TBC1D4: variants seen among roughly 807,000 people sequenced by gnomAD.
TBC1D4 encodes the protein TBC (Tre-2, BUB2, CDC16) domain-containing protein.
A neutral mutation model predicts 142.5 loss-of-function variants in TBC1D4; 121 were observed. That is an observed-to-expected ratio of 0.85 (90% confidence interval 0.73 to 0.99). The LOEUF is 0.99. Ranked by LOEUF, TBC1D4 falls within the 50% of genes least tolerant of loss-of-function variation. The pLI is 0.00. For synonymous variants in TBC1D4, 630 were observed against 628.2 expected (o/e 1.00, Z -0.04); for missense variants, 1,475 against 1,606.6 (o/e 0.92, Z 1.40).
At chr13:75,293,503 A>G (rs1213353942) in intron 18 of TBC1D4, among the ~76,000 whole-genome samples, 1 of 152,256 alleles carries the variant, frequency 6.6e-6, no homozygotes, top group East Asian at 1.9e-4. Flanking sequence ...GCCCTGAAAC[A>G]TCATTTTGAT....
chr13:75,324,550 A>C lies in TBC1D4; in HGVS notation c.2034-149T>G, dbSNP rs1879066329. On this transcript the variant is annotated intron_variant, in intron 10 of 20. Transcript: ENST00000377636. ...CTGGATCTTACATGAAAAAAAAAGA[A>C]GAAGCATGCAGTTCTCTATTTAGAT... 12 of 891,816 alleles carry C rather than the reference A, an allele frequency of 1.3e-5. 1 individual carries two copies. In the South Asian group the frequency reaches 1.9e-4, roughly 14 times the overall value. The allele number at this position is 891,816 out of a possible 1,614,324, so 55.2% of individuals were successfully genotyped here. A position where few individuals can be genotyped will look rare whatever the true frequency, so the allele number is the denominator to read the frequency against.
At chr13:75,470,765 C>T (rs1888363527) in intron 1 of TBC1D4, among the ~76,000 whole-genome samples, 1 of 152,082 alleles carries the variant, frequency 6.6e-6, no homozygotes, top group South Asian at 2.1e-4. Context: ...GCAGGTGGAT[C>T]ACCTGAGGTC....
intron 1 of TBC1D4, among the ~76,000 whole-genome samples, chr13:75,366,502 T>C (rs1376488814): frequency 6.6e-6 from 1 of 152,208 alleles, no homozygotes; most frequent in Non-Finnish European, 1.5e-5. Flanking sequence ...GTTGTTAAAA[T>C]GATCCATTTC....
intron 1 of TBC1D4, 54 bp downstream of exon 1, chr13:75,481,201 CCCCTCCCGCCCTGCT>C: frequency 2.5e-6 from 3 of 1,215,696 alleles, no homozygotes; most frequent in Non-Finnish European, 3.5e-6. Flanking sequence ...GGGGTCCCCG[CCCCTCCCGCCCTGCT>C]CCCCGATCCC....
intron 8 of TBC1D4, among the ~76,000 whole-genome samples, chr13:75,330,282 T>C (rs2138028435): frequency 6.6e-6 from 1 of 152,356 alleles, no homozygotes; most frequent in South Asian, 2.1e-4. Context: ...TTTCTTCTTT[T>C]CAGATGACTG....
chr13:75,467,111 A>G (rs539863153), intron 1 of TBC1D4, among the ~76,000 whole-genome samples: 2 of 152,290 alleles, frequency 1.3e-5, no homozygotes, highest in East Asian at 1.9e-4. Flanking sequence ...GTAATATATT[A>G]TGACTCAAAT....
intron 1 of TBC1D4, among the ~76,000 whole-genome samples, chr13:75,417,104 T>C (rs1008207492): frequency 6.6e-6 from 1 of 152,120 alleles, no homozygotes; most frequent in Non-Finnish European, 1.5e-5. Flanking sequence ...AAGCAGCTAC[T>C]TCCCACCCAT....
intron 1 of TBC1D4, among the ~76,000 whole-genome samples, chr13:75,427,665 A>C (rs775273426): frequency 6.6e-6 from 1 of 152,214 alleles, no homozygotes; most frequent in African/African-American, 2.4e-5. Context: ...ACTTGCCCCA[A>C]TACTCACGCT....
chr13:75,353,851 G>C (rs1881818365), intron 4 of TBC1D4, among the ~76,000 whole-genome samples: 1 of 152,148 alleles, frequency 6.6e-6, no homozygotes, highest in Non-Finnish European at 1.5e-5. Context: ...TTCCTTCCCA[G>C]CCGGACAGTA....
At chr13:75,316,105 C>G (rs1221234802) in intron 12 of TBC1D4, among the ~76,000 whole-genome samples, 4 of 152,078 alleles carry the variant, frequency 2.6e-5, no homozygotes, top group Non-Finnish European at 4.4e-5. Flanking sequence ...TCAGAGGACT[C>G]CGAAATGTTT....
At chr13:75,442,182 TTTAG>T (rs1277041659) in intron 1 of TBC1D4, among the ~76,000 whole-genome samples, 1 of 152,178 alleles carries the variant, frequency 6.6e-6, no homozygotes, top group African/African-American at 2.4e-5. Context: ...GGGAGTGGTA[TTTAG>T]TTAGTTTCTG....
At chr13:75,340,147 T>C (rs1428235643) in intron 7 of TBC1D4, among the ~76,000 whole-genome samples, 1 of 151,518 alleles carries the variant, frequency 6.6e-6, no homozygotes, top group African/African-American at 2.4e-5. Flanking sequence ...GGTTTTTTTG[T>C]CACCTTTTTC....
chr13:75,285,431 C>G lies in TBC1D4; in HGVS notation c.*1361G>C, dbSNP rs1566331518. 6.6e-6 allele frequency: 1 copy of G among 152,360 alleles called. No homozygotes were observed. Among genetic ancestry groups the G allele is most frequent in the East Asian group, 1.9e-4 (1 of 5,192 alleles). 9.4% of individuals were successfully genotyped at this position (152,360 alleles called of 1,614,324 possible). ...ACTTTTTGGAAAGGCAAAAATGCTG[C>G]ATCAACTTTCAGAGGCACTATCATA... On this transcript the variant is annotated 3_prime_UTR_variant, in exon 21 of 21. Coordinates refer to ENST00000377636, the MANE Select transcript of TBC1D4 (RefSeq NM_014832.5).
At chr13:75,361,307 G>GA (rs541438845) in intron 2 of TBC1D4, among the ~76,000 whole-genome samples, 2 of 151,976 alleles carry the variant, frequency 1.3e-5, no homozygotes, top group Non-Finnish European at 2.9e-5. Flanking sequence ...TTCTTCTCTA[G>GA]AAAAAAAGTC....
chr13:75,373,484 G>A (rs1883326684), intron 1 of TBC1D4, among the ~76,000 whole-genome samples: 1 of 152,164 alleles, frequency 6.6e-6, no homozygotes, highest in Non-Finnish European at 1.5e-5. Flanking sequence ...GCAATAGCAA[G>A]CAACCGGATG....
At position 75,285,927 on chromosome 13, in the gene TBC1D4, G is replaced by C. The variant is rs952369566; in HGVS notation, c.*865C>G. 1 of 152,592 alleles carries C rather than the reference G, an allele frequency of 6.6e-6. No individual in the cohort carries two copies. The highest frequency in any genetic ancestry group is 2.4e-5 in the African/African-American group (1 of 41,426). 9.5% of individuals were successfully genotyped at this position (152,592 alleles called of 1,614,324 possible). A position where few individuals can be genotyped will look rare whatever the true frequency, so the allele number is the denominator to read the frequency against. ...AATAAAGAGGAATTCATTCACAACTGAATGAGTTATTCAAATAAAAAAAGC... is the reference window on the plus strand; with the variant it reads ...AATAAAGAGGAATTCATTCACAACTCAATGAGTTATTCAAATAAAAAAAGC... On this transcript the variant is annotated 3_prime_UTR_variant, in exon 21 of 21. Transcript: ENST00000377636.
In TBC1D4 at chr13:75,347,340, G is replaced by T. The variant is rs758242767; in HGVS notation, c.1408+1830C>A. On this transcript the variant is annotated intron_variant, in intron 5 of 20. Coordinates refer to ENST00000377636, the MANE Select transcript of TBC1D4 (RefSeq NM_014832.5). Reference sequence around the variant, plus strand: ...TATGACTTACACAATTTCCTACTGCGTGGTTTTATCTTTTTCTTATAGGTT... The same window carrying T: ...TATGACTTACACAATTTCCTACTGCTTGGTTTTATCTTTTTCTTATAGGTT... Among the ~76,000 whole-genome samples the T allele has an allele frequency of 4.8e-4, 73 of 152,202 alleles. 1 individual carries two copies. Among genetic ancestry groups the T allele is most frequent in the African/African-American group, 1.7e-3 (72 of 41,536 alleles).
chr13:75,360,187 T>A (rs1243448493), intron 2 of TBC1D4, among the ~76,000 whole-genome samples: 1 of 152,176 alleles, frequency 6.6e-6, no homozygotes, highest in Non-Finnish European at 1.5e-5. Flanking sequence ...AATAGTAATT[T>A]TAAAAAATAA....
chr13:75,476,426 G>A (rs1019061184), intron 1 of TBC1D4, among the ~76,000 whole-genome samples: 8 of 152,252 alleles, frequency 5.3e-5, no homozygotes, highest in Admixed American at 3.9e-4. Flanking sequence ...CGTTTCTGAC[G>A]TTAAAACACT....
Sources: gnomAD v4.1 joint callset for allele counts (sites outside exome capture counted in the v4.1 genomes callset) on GRCh38, gnomAD v4.1.1 for gene constraint, MANE v1.5 for transcripts, NCBI Gene and HGNC (gene_info 2026-07-23, HGNC 2026-07-21) for gene names.